Variants in TMEM9B observed in about 807,000 individuals in gnomAD.
TMEM9B encodes transmembrane protein 9B.
In TMEM9B, 8 loss-of-function variants were observed where a neutral mutation model predicts 23.5. That is an observed-to-expected ratio of 0.34 (90% confidence interval 0.20 to 0.61). TMEM9B has a LOEUF of 0.61. Ranked by LOEUF, TMEM9B falls within the 20% of genes least tolerant of loss-of-function variation. TMEM9B has a pLI of 0.78. For missense variants in TMEM9B, 197 were observed against 252.3 expected, an observed-to-expected ratio of 0.78 and a Z score of 1.49; for synonymous variants, 106 against 96.3, an observed-to-expected ratio of 1.10 and a Z score of -0.59.
chr11:8,952,289 A>T (rs1853898397), intron 4 of TMEM9B, among the ~76,000 whole-genome samples: 1 of 122,244 alleles, frequency 8.2e-6, no homozygotes, highest in Admixed American at 8.2e-5. Context: ...CGCTATATAT[A>T]TATATATATA....
At position 8,951,508 on chromosome 11, in the gene TMEM9B, T is replaced by C. The variant is rs187607079; in HGVS notation, c.441+1695A>G. 3.6e-3 allele frequency among the ~76,000 whole-genome samples: 551 copies of C among 151,844 alleles called. 7 individuals carry two copies. The highest frequency in any genetic ancestry group is 0.013 in the African/African-American group (529 of 41,416). ...GGCTCACGCCTGTAATCCCAGCACT[T>C]TGGGAGGCCGAGGCAGGGGGATCAT... On this transcript the variant is annotated intron_variant, in intron 4 of 4. Coordinates refer to ENST00000534025, the MANE Select transcript of TMEM9B (RefSeq NM_020644.3).
intron 4 of TMEM9B, among the ~76,000 whole-genome samples, chr11:8,950,385 G>A (rs541386146): frequency 2.6e-5 from 4 of 152,290 alleles, no homozygotes; most frequent in African/African-American, 9.6e-5. Context: ...GACCAGAGGA[G>A]GAAAATATTA....
chr11:8,964,614 G>A (rs1854166138), upstream of TMEM9B: 1 of 518,118 alleles, frequency 1.9e-6, no homozygotes, highest in African/African-American at 2.0e-5. Context: ...GCCCAGTAGA[G>A]CTTTGCATCT....
intron 4 of TMEM9B, among the ~76,000 whole-genome samples, chr11:8,949,538 T>G (rs187320052): frequency 1.2e-4 from 18 of 152,364 alleles, no homozygotes; most frequent in African/African-American, 4.3e-4. Context: ...AACATTATTT[T>G]GCTGTGCATG....
intron 1 of TMEM9B, among the ~76,000 whole-genome samples, chr11:8,962,409 A>G (rs1854096884): frequency 6.6e-6 from 1 of 152,242 alleles, no homozygotes; most frequent in South Asian, 2.1e-4. Context: ...AATACCTAAT[A>G]CATGATCTAA....
intron 1 of TMEM9B, 132 bp downstream of exon 1, chr11:8,964,077 G>A (rs1264967675): frequency 2.3e-6 from 2 of 887,120 alleles, no homozygotes; most frequent in Non-Finnish European, 3.3e-6. Context: ...GGCGGCGGGG[G>A]TCTGCCGGAG....
chr11:8,962,075 G>C lies in TMEM9B; in HGVS notation c.197+17C>G, dbSNP rs1172803140. 7.5e-6 allele frequency: 11 copies of C among 1,465,976 alleles called. No individual in the cohort carries two copies. In the South Asian group the frequency reaches 1.4e-4, roughly 18 times the overall value. The allele number at this position is 1,465,976 out of a possible 1,614,324, so 90.8% of individuals were successfully genotyped here. On this transcript the variant is annotated intron_variant, in intron 2 of 4. Coordinates refer to ENST00000534025, the MANE Select transcript of TMEM9B (RefSeq NM_020644.3). ...AGAAACAAATGTGACAGGTAATTCA[G>C]TAATCCAGATACTTACCAATCTTTC... is the stretch of plus-strand genomic sequence containing the variant.
At chr11:8,960,192 G>GA (rs2134875235) in intron 2 of TMEM9B, among the ~76,000 whole-genome samples, 1 of 137,662 alleles carries the variant, frequency 7.3e-6, no homozygotes, top group East Asian at 2.3e-4. Context: ...ACCCAGGTTA[G>GA]AGGGCAGTGG....
intron 4 of TMEM9B, among the ~76,000 whole-genome samples, chr11:8,952,286 T>C (rs1396067450): frequency 7.3e-5 from 7 of 95,748 alleles, no homozygotes; most frequent in African/African-American, 1.1e-4. Flanking sequence ...ACACGCTATA[T>C]ATATATATAT....
chr11:8,964,381 A>G lies in TMEM9B; in HGVS notation c.-68T>C, dbSNP rs1009700001. The G allele has an allele frequency of 1.9e-5, 28 of 1,505,280 alleles. No individual in the cohort carries two copies. Among genetic ancestry groups the G allele is most frequent in the Non-Finnish European group, 2.3e-5 (26 of 1,131,210 alleles). 93.2% of individuals were successfully genotyped at this position (1,505,280 alleles called of 1,614,324 possible). A position where few individuals can be genotyped will look rare whatever the true frequency, so the allele number is the denominator to read the frequency against. On this transcript the variant is annotated 5_prime_UTR_variant, in exon 1 of 5. Coordinates refer to ENST00000534025, the MANE Select transcript of TMEM9B (RefSeq NM_020644.3). ...CGGCTCCCGGCTCGGGCTCAGGCTC[A>G]GGCTCAGGCTCAGGCACAGGCTTGG...
At chr11:8,964,610 T>G (rs2247920), upstream of TMEM9B, 18,594 of 556,916 alleles carry the variant, frequency 0.033, 416 homozygotes, top group Middle Eastern at 0.086. Flanking sequence ...CTGGGCCCAG[T>G]AGAGCTTTGC....
intron 1 of TMEM9B, among the ~76,000 whole-genome samples, chr11:8,963,078 G>A (rs1351640237): frequency 6.6e-6 from 1 of 152,122 alleles, no homozygotes; most frequent in Non-Finnish European, 1.5e-5. Flanking sequence ...ATAAGACATG[G>A]TTTCTGCCCA....
chr11:8,949,588 C>T (rs1365974697), intron 4 of TMEM9B, among the ~76,000 whole-genome samples: 1 of 152,154 alleles, frequency 6.6e-6, no homozygotes, highest in Non-Finnish European at 1.5e-5. Flanking sequence ...CAGGAGTCTG[C>T]ATGTATATGG....
chr11:8,964,384 C>T lies in TMEM9B; in HGVS notation c.-71G>A, dbSNP rs1854154814. 1 of 1,519,098 alleles carries T rather than the reference C, an allele frequency of 6.6e-7. No homozygotes were observed. The highest frequency in any genetic ancestry group is 8.8e-7 in the Non-Finnish European group (1 of 1,135,800). 94.1% of individuals were successfully genotyped at this position (1,519,098 alleles called of 1,614,324 possible). A position where few individuals can be genotyped will look rare whatever the true frequency, so the allele number is the denominator to read the frequency against. On this transcript the variant is annotated 5_prime_UTR_variant, in exon 1 of 5. Coordinates refer to ENST00000534025, the MANE Select transcript of TMEM9B (RefSeq NM_020644.3). ...CTCCCGGCTCGGGCTCAGGCTCAGG[C>T]TCAGGCTCAGGCACAGGCTTGGGAC...
At chr11:8,964,460 C>G, upstream of TMEM9B, 1 of 1,420,000 alleles carries the variant, frequency 7.0e-7, no homozygotes, top group Non-Finnish European at 9.1e-7. Context: ...AAGGCGTCAC[C>G]GGGCGCGCCG....
intron 2 of TMEM9B, among the ~76,000 whole-genome samples, chr11:8,961,742 G>A (rs982377921): frequency 2.0e-5 from 3 of 152,250 alleles, no homozygotes; most frequent in Admixed American, 6.5e-5. Flanking sequence ...CCAGACAAAC[G>A]AGGCTTGCTA....
At chr11:8,951,644 G>C (rs529539582) in intron 4 of TMEM9B, among the ~76,000 whole-genome samples, 53 of 151,786 alleles carry the variant, frequency 3.5e-4, no homozygotes, top group African/African-American at 1.3e-3. Flanking sequence ...TGTAGTTCCA[G>C]CTACTTGGGA....
chr11:8,952,278 A>ACACACACG (rs1853896512), intron 4 of TMEM9B, among the ~76,000 whole-genome samples: 3 of 70,210 alleles, frequency 4.3e-5, no homozygotes, highest in South Asian at 3.9e-4. Flanking sequence ...ACACACACAC[A>ACACACACG]CGCTATATAT....
chr11:8,961,751 T>C (rs1336945394), intron 2 of TMEM9B, among the ~76,000 whole-genome samples: 1 of 152,224 alleles, frequency 6.6e-6, no homozygotes, highest in East Asian at 1.9e-4. Flanking sequence ...CGAGGCTTGC[T>C]AACCTTCCAC....
Sources: allele counts gnomAD v4.1 joint callset (sites outside exome capture counted in the v4.1 genomes callset), GRCh38; gene constraint gnomAD v4.1.1; transcripts MANE v1.5; gene names NCBI Gene and HGNC (gene_info 2026-07-23, HGNC 2026-07-21).